WDR76: variants seen among roughly 807,000 people sequenced by gnomAD.
The protein encoded by WDR76 is WD repeat-containing protein 76.
WDR76 carries 52 observed loss-of-function variants against 70.2 expected under a neutral mutation model. That is an observed-to-expected ratio of 0.74 (90% CI 0.59 to 0.93). WDR76 has a LOEUF of 0.93. WDR76 is among the 40% of genes least tolerant of loss of function. The pLI is 0.00. For missense variants in WDR76, 756 were observed against 760.2 expected, an observed-to-expected ratio of 0.99 and a Z score of 0.07; for synonymous variants, 292 against 271.1, an observed-to-expected ratio of 1.08 and a Z score of -0.76.
At chr15:43,855,028 C>T (rs1461089392) in intron 9 of WDR76, among the ~76,000 whole-genome samples, 4 of 151,952 alleles carry the variant, frequency 2.6e-5, no homozygotes, top group African/African-American at 7.2e-5. Context: ...CCTCCCATTG[C>T]CTGCAATCCC....
chr15:43,856,296 C>G (rs1016933579), intron 9 of WDR76, among the ~76,000 whole-genome samples: 1 of 151,324 alleles, frequency 6.6e-6, no homozygotes, highest in African/African-American at 2.5e-5. Context: ...AAGCATTAAA[C>G]ATTTTGATAG....
intron 10 of WDR76, 32 bp from the exon 11 acceptor site, chr15:43,858,639 G>T: frequency 2.5e-6 from 4 of 1,608,836 alleles, no homozygotes; most frequent in Non-Finnish European, 3.4e-6. Context: ...CATGTACTAT[G>T]GCAACATTGA....
At chr15:43,859,589 G>T (rs2087971446) in intron 11 of WDR76, among the ~76,000 whole-genome samples, 1 of 151,990 alleles carries the variant, frequency 6.6e-6, no homozygotes, top group Non-Finnish European at 1.5e-5. Context: ...GGAAGAGCGT[G>T]GTCTGCAGTG....
At position 43,866,346 on chromosome 15, in the gene WDR76, A is replaced by G; in HGVS notation, c.1835A>G (p.Asn612Ser). Reference protein sequence around the residue: ...HPTRYILAGGNSSGKIHVFMN... With the variant: ...HPTRYILAGGSSSGKIHVFMN... ...ACTCGGTATATTTTGGCTGGAGGTA[A>G]TTCCAGCGGGAAGATACATGTTTTT... The change falls in exon 13 of 13, where the codon AAT becomes AGT. Residue 612 changes from asparagine (N) to serine (S), a missense_variant. By Grantham distance (46) the Asn-to-Ser change is conservative (BLOSUM62 1). Transcript: ENST00000263795. 1 of 1,614,128 alleles carries G rather than the reference A, an allele frequency of 6.2e-7. No individual in the cohort carries two copies. The highest frequency in any genetic ancestry group is 8.5e-7 in the Non-Finnish European group (1 of 1,180,010).
Position 43,828,510 on chromosome 15 carries a change from A to T in WDR76, c.462+144A>T, listed in dbSNP as rs995002161. Reference sequence around the variant, plus strand: ...AGTATAAATGTAATAATACATTTTTATTATTTTTAAGGTTTAACAAATAAC... The same window carrying T: ...AGTATAAATGTAATAATACATTTTTTTTATTTTTAAGGTTTAACAAATAAC... On this transcript the variant is annotated intron_variant, in intron 2 of 12. Transcript: ENST00000263795. 9.1e-6 allele frequency: 7 copies of T among 768,608 alleles called. No homozygotes were observed. In the African/African-American group the frequency reaches 1.2e-4, roughly 14 times the overall value. The allele number at this position is 768,608 out of a possible 1,614,324, so 47.6% of individuals were successfully genotyped here. A position where few individuals can be genotyped will look rare whatever the true frequency, so the allele number is the denominator to read the frequency against.
At chr15:43,857,601 C>G in intron 10 of WDR76, 7 of 893,138 alleles carry the variant, frequency 7.8e-6, no homozygotes, top group Non-Finnish European at 9.4e-6. Flanking sequence ...AGGCAGATCA[C>G]TTGAGGTCAG....
chr15:43,843,169 G>A (rs1329422344), intron 7 of WDR76, among the ~76,000 whole-genome samples: 2 of 151,748 alleles, frequency 1.3e-5, no homozygotes, highest in Non-Finnish European at 2.9e-5. Context: ...GACTACAGGC[G>A]TGCACCATCA....
intron 9 of WDR76, among the ~76,000 whole-genome samples, chr15:43,854,948 C>T (rs913633124): frequency 1.0e-4 from 15 of 144,584 alleles, no homozygotes; most frequent in Admixed American, 2.8e-4. Context: ...GAGACTCCAT[C>T]TCAAAAAAAA....
intron 2 of WDR76, among the ~76,000 whole-genome samples, chr15:43,830,559 T>G (rs1023409208): frequency 4.1e-4 from 52 of 127,688 alleles, no homozygotes; most frequent in Non-Finnish European, 7.4e-4. Flanking sequence ...TGAAACTCCG[T>G]CTCAAAAAAA....
At position 43,836,227 on chromosome 15, in the gene WDR76, T is replaced by C. The variant is rs2087654833; in HGVS notation, c.608+11T>C. 5.0e-6 allele frequency: 8 copies of C among 1,607,498 alleles called. 1 individual carries two copies. In the South Asian group the frequency reaches 5.6e-5, roughly 11 times the overall value. The stretch of plus-strand genomic sequence containing the variant: ...TCCTAAATCCAAAAGGTAAAATATC[T>C]AGTTTGCAATGCCTGAACCATGATA... On this transcript the variant is annotated intron_variant, in intron 4 of 12. Coordinates refer to ENST00000263795, the MANE Select transcript of WDR76 (RefSeq NM_024908.4).
At chr15:43,861,902 T>A (rs1027940595) in intron 12 of WDR76, among the ~76,000 whole-genome samples, 13 of 150,834 alleles carry the variant, frequency 8.6e-5, no homozygotes, top group African/African-American at 3.2e-4. Flanking sequence ...AGTGGCGTGA[T>A]CTCTGCTCAC....
intron 9 of WDR76, among the ~76,000 whole-genome samples, chr15:43,851,966 G>T (rs1334629781): frequency 1.3e-5 from 2 of 152,174 alleles, no homozygotes; most frequent in East Asian, 3.8e-4. Context: ...GGAGGCTGAG[G>T]TGTGAGGATT....
chr15:43,846,564 G>A (rs1438896382), intron 8 of WDR76, among the ~76,000 whole-genome samples: 1 of 135,446 alleles, frequency 7.4e-6, no homozygotes, highest in African/African-American at 2.5e-5. Flanking sequence ...GATTACAGGT[G>A]TGAGCCACCA....
chr15:43,863,997 G>A (rs1041262658), intron 12 of WDR76: 4 of 152,208 alleles, frequency 2.6e-5, no homozygotes, highest in Admixed American at 6.5e-5. Flanking sequence ...TACTACCTTT[G>A]AACCAGCCTC....
chr15:43,854,950 C>CA (rs535509405), intron 9 of WDR76, among the ~76,000 whole-genome samples: 5,356 of 96,846 alleles, frequency 0.055, 107 homozygotes, highest in Middle Eastern at 0.1. Context: ...GACTCCATCT[C>CA]AAAAAAAAAA....
At chr15:43,844,139 A>G (rs1203830550) in intron 8 of WDR76, 85 bp downstream of exon 8, 12 of 1,278,372 alleles carry the variant, frequency 9.4e-6, no homozygotes, top group Non-Finnish European at 1.1e-5. Flanking sequence ...ATGTGTTTAT[A>G]AATGTTGCGT....
intron 4 of WDR76, among the ~76,000 whole-genome samples, chr15:43,837,529 C>T (rs539588762): frequency 3.9e-5 from 6 of 152,078 alleles, no homozygotes; most frequent in South Asian, 4.2e-4. Context: ...TGTAATGTAG[C>T]GCAGAAGTGT....
At chr15:43,828,925 CAG>C (rs1567180795) in intron 2 of WDR76, among the ~76,000 whole-genome samples, 17 of 143,756 alleles carry the variant, frequency 1.2e-4, no homozygotes, top group South Asian at 4.3e-4. Flanking sequence ...TTTTTGGAGA[CAG>C]AGTCTCGCTC....
chr15:43,835,747 C>T (rs1019205723), intron 3 of WDR76, among the ~76,000 whole-genome samples: 7 of 151,508 alleles, frequency 4.6e-5, no homozygotes, highest in Non-Finnish European at 8.8e-5. Flanking sequence ...CAACCTCTGC[C>T]TCCCGGGTTC....
Sources: gnomAD v4.1 joint callset for allele counts (sites outside exome capture counted in the v4.1 genomes callset) on GRCh38, gnomAD v4.1.1 for gene constraint, MANE v1.5 for transcripts, NCBI Gene and HGNC (gene_info 2026-07-23, HGNC 2026-07-21) for gene names.